The following OPHN1 variants were observed in gnomAD, a reference collection of about 807,000 sequenced individuals.
OPHN1 encodes the protein oligophrenin 1, also known as oligophrenin-1.
A neutral mutation model predicts 60.7 loss-of-function variants in OPHN1; 11 were observed. That is an observed-to-expected ratio of 0.18 (90% CI 0.11 to 0.30). The LOEUF (loss-of-function observed/expected upper bound fraction) is 0.30. Ranked by LOEUF, OPHN1 falls within the 10% of genes least tolerant of loss-of-function variation. OPHN1 has a pLI of 1.00. For missense variants in OPHN1, 449 were observed against 611.0 expected (o/e 0.73, Z 2.80); for synonymous variants, 226 against 222.6 (o/e 1.02, Z -0.14).
intron 2 of OPHN1, among the ~76,000 whole-genome samples, chrX:68,342,865 T>G (rs1439858936): frequency 1.8e-5 from 2 of 109,825 alleles, no homozygotes; most frequent in Non-Finnish European, 3.8e-5. Flanking sequence ...CACCTGAGCC[T>G]GAGAGGTCAA....
chrX:68,278,224 A>G (rs1433498919), intron 4 of OPHN1, among the ~76,000 whole-genome samples: 3 of 112,597 alleles, frequency 2.7e-5, no homozygotes, highest in African/African-American at 9.7e-5. Flanking sequence ...GTCAGAATAG[A>G]GACTTAGGAA....
At chrX:68,269,372 A>G (rs2077953251) in intron 5 of OPHN1, among the ~76,000 whole-genome samples, 1 of 111,687 alleles carries the variant, frequency 9.0e-6, no homozygotes, top group African/African-American at 3.3e-5. Context: ...ACAGCATGGT[A>G]TTGGTACCAA....
intron 3 of OPHN1, among the ~76,000 whole-genome samples, chrX:68,287,567 C>G (rs1219356586): frequency 9.0e-6 from 1 of 111,135 alleles, no homozygotes; most frequent in East Asian, 2.8e-4. Flanking sequence ...TAACATAAGC[C>G]CTGTGAGTGA....
At position 68,331,051 on chromosome X, in the gene OPHN1, A is replaced by G. The variant is rs1194396629; in HGVS notation, c.155-31955T>C. On this transcript the variant is annotated intron_variant, in intron 2 of 24. Transcript: ENST00000355520. ...AATATATATCTCATATATAATATAC[A>G]TAAGATGTATAATTCTGTAAAAGTA... Among the ~76,000 whole-genome samples, 10 of 105,218 alleles carry G rather than the reference A, an allele frequency of 9.5e-5. No homozygotes were observed. The East Asian group carries it at 2.8e-3, about 30-fold the overall frequency. 91.4% of individuals were successfully genotyped at this position (105,218 alleles called of 115,157 possible).
At chrX:68,262,418 T>C (rs1413078212) in intron 5 of OPHN1, among the ~76,000 whole-genome samples, 2 of 112,103 alleles carry the variant, frequency 1.8e-5, no homozygotes, top group Non-Finnish European at 3.8e-5. Flanking sequence ...TTAATTATTT[T>C]CTCAAAAAGT....
intron 10 of OPHN1, among the ~76,000 whole-genome samples, chrX:68,202,491 T>C (rs1271549485): frequency 9.4e-6 from 1 of 106,132 alleles, no homozygotes; most frequent in East Asian, 2.8e-4. Context: ...CTATGTGCCA[T>C]ATATTACGCT....
At chrX:68,234,278 C>T (rs969422935) in intron 6 of OPHN1, among the ~76,000 whole-genome samples, 1 of 111,039 alleles carries the variant, frequency 9.0e-6, no homozygotes, top group East Asian at 2.8e-4. Flanking sequence ...AAGAAGTATC[C>T]TATCCAAGGT....
chrX:68,126,734 T>C (rs917094937), intron 15 of OPHN1, among the ~76,000 whole-genome samples: 4 of 111,962 alleles, frequency 3.6e-5, no homozygotes, highest in Non-Finnish European at 5.6e-5. Context: ...CATGAGCCAC[T>C]GTGCCCGGCC....
chrX:68,417,549 A>G (rs2078805517), intron 2 of OPHN1, among the ~76,000 whole-genome samples: 2 of 112,848 alleles, frequency 1.8e-5, no homozygotes, highest in African/African-American at 6.4e-5. Flanking sequence ...TGGGTATCCC[A>G]TATACTTATT....
intron 21 of OPHN1, among the ~76,000 whole-genome samples, chrX:68,060,048 A>G (rs2076887483): frequency 9.0e-6 from 1 of 111,564 alleles, no homozygotes; most frequent in Non-Finnish European, 1.9e-5. Flanking sequence ...ATAAACAAAT[A>G]CATGTAAAGT....
At chrX:68,076,904 G>T (rs1299006524) in intron 19 of OPHN1, among the ~76,000 whole-genome samples, 1 of 111,610 alleles carries the variant, frequency 9.0e-6, no homozygotes, top group Admixed American at 9.5e-5. Context: ...CAGACCAAAA[G>T]AAAAGTATAT....
chrX:68,362,546 C>T lies in OPHN1; in HGVS notation c.155-63450G>A, dbSNP rs150323635. Among the ~76,000 whole-genome samples the T allele has an allele frequency of 2.4e-3, 264 of 110,881 alleles. 1 individual carries two copies. Among genetic ancestry groups the T allele is most frequent in the African/African-American group, 8.3e-3 (254 of 30,538 alleles). ...ACCATAAAATAAGTACGTGAGGTAA[C>T]GAGTATGTTAATTAGCTTGATTTAG... On this transcript the variant is annotated intron_variant, in intron 2 of 24. Transcript: ENST00000355520.
At chrX:68,268,430 T>C (rs1408423709) in intron 5 of OPHN1, among the ~76,000 whole-genome samples, 1 of 111,757 alleles carries the variant, frequency 8.9e-6, no homozygotes, top group Non-Finnish European at 1.9e-5. Flanking sequence ...GCAAGGCTGG[T>C]TCAACATATG....
At chrX:68,202,563 G>A (rs1375002551) in intron 10 of OPHN1, among the ~76,000 whole-genome samples, 2 of 109,816 alleles carry the variant, frequency 1.8e-5, no homozygotes, top group East Asian at 5.8e-4. Flanking sequence ...ACAGTAGTGC[G>A]ATATCAGCTC....
intron 2 of OPHN1, among the ~76,000 whole-genome samples, chrX:68,366,835 G>A (rs1252018340): frequency 1.8e-5 from 2 of 111,722 alleles, no homozygotes; most frequent in Admixed American, 1.9e-4. Context: ...GTCTTTACAT[G>A]AATTATGTTA....
At chrX:68,290,751 T>G (rs1475157041) in intron 3 of OPHN1, among the ~76,000 whole-genome samples, 3 of 108,748 alleles carry the variant, frequency 2.8e-5, no homozygotes, top group Non-Finnish European at 5.7e-5. Flanking sequence ...CACTCCAGCC[T>G]AGGTGACAGA....
At chrX:68,212,278 T>G (rs182538797) in intron 7 of OPHN1, 66 bp from the exon 8 acceptor site, 1 of 790,509 alleles carries the variant, frequency 1.3e-6, no homozygotes, top group Admixed American at 2.6e-5. Flanking sequence ...AAAAGAAACA[T>G]GAACTCACCA....
chrX:68,053,949 T>C (rs962741576), intron 21 of OPHN1, 139 bp from the exon 22 acceptor site: 2 of 189,611 alleles, frequency 1.1e-5, no homozygotes, highest in Admixed American at 2.3e-4. Flanking sequence ...ACTCTGGCTA[T>C]TTTTTTTTTT....
chrX:68,298,909 T>C (rs1350090407), intron 3 of OPHN1, 92 bp downstream of exon 3: 2 of 535,347 alleles, frequency 3.7e-6, no homozygotes, highest in Non-Finnish European at 6.5e-6. Flanking sequence ...TGGATGAAGA[T>C]GTCCAAGTGC....
Sources: allele counts gnomAD v4.1 joint callset (sites outside exome capture counted in the v4.1 genomes callset), GRCh38; gene constraint gnomAD v4.1.1; transcripts MANE v1.5; gene names NCBI Gene and HGNC (gene_info 2026-07-23, HGNC 2026-07-21).